The following AGAP4 variants were observed in gnomAD, a reference collection of about 807,000 sequenced individuals.
AGAP4 encodes arf-GAP with GTPase, ANK repeat and PH domain-containing protein 4.
Under a neutral mutation model 60.7 loss-of-function variants are expected in AGAP4, and 13 were observed. That is an observed-to-expected ratio of 0.21 (90% CI 0.14 to 0.34). The LOEUF is 0.34. Among genes scored for constraint, AGAP4 ranks in the 10% least tolerant of loss-of-function variants. AGAP4 has a pLI of 1.00. For missense variants in AGAP4, 169 were observed against 884.0 expected (o/e 0.19, Z 10.26); for synonymous variants, 70 against 339.0 (o/e 0.21, Z 8.72).
At chr10:45,853,731 C>T in exon 1 of AGAP4, 1 of 1,287,946 alleles carries the variant, frequency 7.8e-7, no homozygotes, top group Non-Finnish European at 1.0e-6. Context: ...ATCACAGCAG[C>T]AGCCAACAGG....
At chr10:45,831,963 G>A (rs2135930579) in intron 5 of AGAP4, among the ~76,000 whole-genome samples, 1 of 146,440 alleles carries the variant, frequency 6.8e-6, no homozygotes, top group East Asian at 2.0e-4. Flanking sequence ...AGGCTGGAGT[G>A]CAATGGTGTG....
chr10:45,834,141 C>A (rs1554897460), intron 4 of AGAP4, 25 bp from the exon 5 acceptor site: 1 of 1,530,508 alleles, frequency 6.5e-7, no homozygotes, highest in East Asian at 2.3e-5. Context: ...AAGTGTAAGT[C>A]AAACTTATCA....
In AGAP4 at chr10:45,846,868, C is replaced by A. The variant is rs1253959363; in HGVS notation, c.224-113G>T. Reference sequence around the variant, plus strand: ...AGAGCCATAAATAAATGGTCCCATGCCAGCCTGGGAGAATGAGATGAGAGA... The same window carrying A: ...AGAGCCATAAATAAATGGTCCCATGACAGCCTGGGAGAATGAGATGAGAGA... On this transcript the variant is annotated intron_variant, in intron 1 of 7. Coordinates refer to ENST00000616763, the MANE Select transcript of AGAP4 (RefSeq NM_001276343.3). 5.6e-5 allele frequency: 41 copies of A among 735,272 alleles called. No individual in the cohort carries two copies. In the African/African-American group the frequency reaches 6.7e-4, roughly 12 times the overall value. 45.5% of individuals were successfully genotyped at this position (735,272 alleles called of 1,614,324 possible).
chr10:45,850,886 C>T (rs1197238478), upstream of AGAP4, among the ~76,000 whole-genome samples: 1 of 151,998 alleles, frequency 6.6e-6, no homozygotes, highest in Non-Finnish European at 1.5e-5. Flanking sequence ...ATATAAATCT[C>T]TGTAGGCTAA....
upstream of AGAP4, chr10:45,854,454 C>T (rs1432854553): frequency 2.6e-5 from 4 of 151,558 alleles, no homozygotes; most frequent in Non-Finnish European, 4.4e-5. Flanking sequence ...GTAGTAAAAC[C>T]TCGTCTCTAC....
upstream of AGAP4, among the ~76,000 whole-genome samples, chr10:45,852,472 A>G (rs1210604465): frequency 3.3e-5 from 5 of 149,586 alleles, no homozygotes; most frequent in Non-Finnish European, 7.4e-5. Flanking sequence ...AAATAACAGC[A>G]GGTTTAGAGG....
intron 4 of AGAP4, among the ~76,000 whole-genome samples, chr10:45,838,078 T>C (rs1299209723): frequency 1.3e-5 from 2 of 149,812 alleles, no homozygotes; most frequent in Admixed American, 6.6e-5. Flanking sequence ...GTGATATACA[T>C]ACATATATAT....
chr10:45,851,399 C>T (rs2059082341), upstream of AGAP4, among the ~76,000 whole-genome samples: 2 of 151,972 alleles, frequency 1.3e-5, no homozygotes, highest in African/African-American at 4.8e-5. Context: ...AATAGGTACT[C>T]AACATGTATT....
chr10:45,830,254 C>G, intron 6 of AGAP4, among the ~76,000 whole-genome samples: 1 of 144,566 alleles, frequency 6.9e-6, no homozygotes. Flanking sequence ...CTCACTGCAA[C>G]CTCCACCTCC....
intron 4 of AGAP4, among the ~76,000 whole-genome samples, chr10:45,838,215 TC>T (rs2058854723): frequency 6.7e-6 from 1 of 149,248 alleles, no homozygotes; most frequent in African/African-American, 2.5e-5. Context: ...AATATCATGT[TC>T]TCTTTCATAC....
At chr10:45,843,677 T>C (rs1238343658) in intron 3 of AGAP4, among the ~76,000 whole-genome samples, 6 of 136,364 alleles carry the variant, frequency 4.4e-5, no homozygotes, top group Admixed American at 1.4e-4. Flanking sequence ...GTGTTCTTGC[T>C]GTTTAAGTCA....
upstream of AGAP4, chr10:45,848,817 A>C (rs1194578226): frequency 1.3e-5 from 2 of 151,934 alleles, no homozygotes; most frequent in African/African-American, 2.4e-5. Context: ...ATCATGGCAG[A>C]GGGGGAAGTC....
At chr10:45,831,720 G>A (rs1229177008) in intron 5 of AGAP4, among the ~76,000 whole-genome samples, 64 of 114,834 alleles carry the variant, frequency 5.6e-4, no homozygotes, top group African/African-American at 1.8e-3. Context: ...GAAACCTTTC[G>A]TCCCATGCGA....
intron 3 of AGAP4, 22 bp from the exon 4 acceptor site, chr10:45,841,709 C>T: frequency 1.6e-6 from 1 of 638,270 alleles, no homozygotes; most frequent in Non-Finnish European, 2.5e-6. Context: ...AAAAAAAAAA[C>T]TGGTCACTTC....
At chr10:45,843,997 G>C (rs2058960918) in intron 3 of AGAP4, among the ~76,000 whole-genome samples, 1 of 149,208 alleles carries the variant, frequency 6.7e-6, no homozygotes, top group African/African-American at 2.6e-5. Context: ...TTGGAGCAAG[G>C]GAAAAGGGAT....
chr10:45,845,777 A>AT (rs781987654), intron 2 of AGAP4, among the ~76,000 whole-genome samples: 11 of 74,856 alleles, frequency 1.5e-4, no homozygotes, highest in African/African-American at 3.6e-4. Flanking sequence ...TAATTTTTGT[A>AT]TTTTTTTTTT....
At chr10:45,849,802 A>G (rs1199532735), upstream of AGAP4, among the ~76,000 whole-genome samples, 2 of 151,050 alleles carry the variant, frequency 1.3e-5, no homozygotes, top group African/African-American at 4.9e-5. Context: ...CACCATGCCC[A>G]GCTAATTTTG....
upstream of AGAP4, among the ~76,000 whole-genome samples, chr10:45,850,640 A>C (rs2135976020): frequency 6.6e-6 from 1 of 152,384 alleles, no homozygotes; most frequent in South Asian, 2.1e-4. Flanking sequence ...ACAAAAGCGG[A>C]GGAAAAAGTC....
chr10:45,828,436 G>A (rs1321958415), intron 6 of AGAP4, among the ~76,000 whole-genome samples: 1 of 149,676 alleles, frequency 6.7e-6, no homozygotes, highest in African/African-American at 2.4e-5. Flanking sequence ...ATGTAAATGT[G>A]ATTCAGATTT....
Sources: gnomAD v4.1 joint callset for allele counts (sites outside exome capture counted in the v4.1 genomes callset) on GRCh38, gnomAD v4.1.1 for gene constraint, MANE v1.5 for transcripts, NCBI Gene and HGNC (gene_info 2026-07-23, HGNC 2026-07-21) for gene names.